CREBBP: variants seen among roughly 807,000 people sequenced by gnomAD.
CREBBP encodes the protein CREB binding lysine acetyltransferase.
A neutral mutation model predicts 265.0 loss-of-function variants in CREBBP; 19 were observed. The observed-to-expected ratio is 0.07, with a 90% CI of 0.05 to 0.11. CREBBP has a LOEUF of 0.11. Ranked by LOEUF, CREBBP falls within the 10% of genes least tolerant of loss-of-function variation. The probability of loss-of-function intolerance (pLI) is 1.00; values close to 1 mark genes in which losing one functional copy is unlikely to be tolerated. For missense variants in CREBBP, 2,525 were observed against 3,219.0 expected (o/e 0.78, Z 5.22); for synonymous variants, 1,457 against 1,223.7 (o/e 1.19, Z -3.98).
rs886624136 is a variant in CREBBP, at chr16:3,736,485, G to A, written c.4560+165C>T. 13 of 1,058,270 alleles carry A rather than the reference G, an allele frequency of 1.2e-5. No individual in the cohort carries two copies. In the East Asian group the frequency reaches 2.5e-4, roughly 20 times the overall value. The allele number at this position is 1,058,270 out of a possible 1,614,324, so 65.6% of individuals were successfully genotyped here. ...GACGGCCAGGGGAAAGCCTCAATCA[G>A]CTGAAGAAAATGCTTCTAAGTTCTC... is the stretch of plus-strand genomic sequence containing the variant. On this transcript the variant is annotated intron_variant, in intron 27 of 30. Transcript: ENST00000262367.
intron 3 of CREBBP, among the ~76,000 whole-genome samples, chr16:3,802,084 A>T (rs961946799): frequency 1.4e-5 from 2 of 147,008 alleles, no homozygotes; most frequent in East Asian, 3.9e-4. Flanking sequence ...TTTAAAAGCA[A>T]ACTCTTTATA....
intron 2 of CREBBP, among the ~76,000 whole-genome samples, chr16:3,828,573 C>A (rs1482414948): frequency 6.6e-6 from 1 of 152,194 alleles, no homozygotes; most frequent in East Asian, 1.9e-4. Context: ...TAGACTCACT[C>A]TCCAGGTTAC....
intron 16 of CREBBP, among the ~76,000 whole-genome samples, chr16:3,763,065 C>T (rs912464984): frequency 4.0e-5 from 6 of 150,810 alleles, no homozygotes; most frequent in South Asian, 2.1e-4. Flanking sequence ...TGAGCCACCA[C>T]GCCCGGCCAC....
chr16:3,863,345 G>GT (rs1665159705), intron 1 of CREBBP, among the ~76,000 whole-genome samples: 1 of 152,148 alleles, frequency 6.6e-6, no homozygotes, highest in African/African-American at 2.4e-5. Flanking sequence ...GCTCATGCCT[G>GT]TAATTCCAGT....
chr16:3,875,694 A>G (rs886732235), intron 1 of CREBBP, among the ~76,000 whole-genome samples: 1 of 152,168 alleles, frequency 6.6e-6, no homozygotes, highest in African/African-American at 2.4e-5. Context: ...ATATAGAGCT[A>G]CGGACTTTAA....
At chr16:3,770,474 G>C in intron 14 of CREBBP, 96 bp downstream of exon 14, 1 of 1,372,614 alleles carries the variant, frequency 7.3e-7, no homozygotes, top group East Asian at 2.3e-5. Flanking sequence ...GAAATTATAG[G>C]TGTGAACCAC....
At chr16:3,768,320 T>C (rs960493481) in intron 15 of CREBBP, among the ~76,000 whole-genome samples, 7 of 151,804 alleles carry the variant, frequency 4.6e-5, no homozygotes, top group African/African-American at 1.5e-4. Context: ...TAATTTTTTA[T>C]ATTCTTGGTA....
At chr16:3,741,685 A>T (rs1001621006) in intron 23 of CREBBP, 8 of 151,310 alleles carry the variant, frequency 5.3e-5, no homozygotes, top group Non-Finnish European at 7.4e-5. Flanking sequence ...CACACCTGTA[A>T]TCCCAGCTCT....
chr16:3,866,990 A>G (rs1006385500), intron 1 of CREBBP, among the ~76,000 whole-genome samples: 14 of 152,310 alleles, frequency 9.2e-5, no homozygotes, highest in South Asian at 2.1e-4. Flanking sequence ...GTGTTTTACA[A>G]TCTCTACATT....
rs762700575 is a variant in CREBBP at position 3,728,768 on chromosome 16, G to A, written c.6279C>T (p.Asn2093=). Residue 2093 remains asparagine, a synonymous_variant, in exon 31 of 31, where the codon AAC becomes AAT. Coordinates refer to ENST00000262367, the MANE Select transcript of CREBBP (RefSeq NM_004380.3). This position sits in a 1 kb window ranked among gnomAD's most constrained non-coding sequence, Gnocchi z 8.7. ...QQQVLNILKS[N]PQLMAAFIKQ... The stretch of plus-strand genomic sequence containing the variant: ...TGATGAAAGCTGCCATTAGCTGCGG[G>A]TTTGATTTGAGAATGTTCAGCACCT... 1.8e-5 allele frequency: 29 copies of A among 1,613,796 alleles called. No homozygotes were observed. Among genetic ancestry groups the A allele is most frequent in the Middle Eastern group, 1.6e-4 (1 of 6,084 alleles).
intron 21 of CREBBP, among the ~76,000 whole-genome samples, chr16:3,746,038 C>A (rs2052334198): frequency 6.6e-6 from 1 of 152,230 alleles, no homozygotes; most frequent in African/African-American, 2.4e-5. Flanking sequence ...CCTCCAGGAA[C>A]CGCCTCAACC....
chr16:3,769,157 T>G lies in CREBBP; in HGVS notation c.3060+17A>C. On this transcript the variant is annotated intron_variant, in intron 15 of 30. Transcript: ENST00000262367. ...TTGCGATACGCAGTCAATGCATTCC[T>G]AGGGAGCGGCACCCACCTCAGACCT... The G allele has an allele frequency of 6.2e-7, 1 of 1,613,722 alleles. No homozygotes were observed. The highest frequency in any genetic ancestry group is 1.3e-5 in the African/African-American group (1 of 75,016).
intron 1 of CREBBP, among the ~76,000 whole-genome samples, chr16:3,876,960 G>A (rs371898347): frequency 5.9e-5 from 9 of 152,172 alleles, no homozygotes. Context: ...AATGTCGGGT[G>A]CATTTTTCTC....
At chr16:3,877,827 C>T (rs985165573) in intron 1 of CREBBP, among the ~76,000 whole-genome samples, 2 of 152,212 alleles carry the variant, frequency 1.3e-5, no homozygotes, top group Non-Finnish European at 2.9e-5. Context: ...ATGATGTTGA[C>T]TTTCTACTTT....
chr16:3,732,721 A>G (rs2151321441), intron 28 of CREBBP, among the ~76,000 whole-genome samples: 1 of 151,732 alleles, frequency 6.6e-6, no homozygotes, highest in South Asian at 2.1e-4. Flanking sequence ...TTTTTTTGAG[A>G]CAGAGTCTCG....
intron 8 of CREBBP, among the ~76,000 whole-genome samples, chr16:3,780,123 T>C (rs2053238734): frequency 6.6e-6 from 1 of 151,046 alleles, no homozygotes; most frequent in Non-Finnish European, 1.5e-5. Flanking sequence ...GTGCTTGTAA[T>C]CCCAGGTACT....
intron 3 of CREBBP, among the ~76,000 whole-genome samples, chr16:3,799,710 T>C (rs1230301435): frequency 1.3e-5 from 2 of 152,208 alleles, no homozygotes; most frequent in Non-Finnish European, 2.9e-5. Context: ...AGACTTATAA[T>C]GAAACAAGAG....
intron 2 of CREBBP, among the ~76,000 whole-genome samples, chr16:3,820,737 G>A (rs1057005164): frequency 6.6e-6 from 1 of 152,176 alleles, no homozygotes; most frequent in Non-Finnish European, 1.5e-5. Flanking sequence ...GCGTGTGCTT[G>A]TAGTCCCAGC....
In CREBBP at chr16:3,849,443, GTGTGTGTGTGTGTGTGT is replaced by G. The variant is rs2054765672; in HGVS notation, c.798+837_798+853del. Among the ~76,000 whole-genome samples the G allele has an allele frequency of 8.5e-4, 17 of 20,066 alleles. 1 individual carries two copies. The East Asian group carries it at 0.05, about 59-fold the overall frequency. The allele number at this position is 20,066 out of a possible 152,430, so 13.2% of individuals were successfully genotyped here. A position where few individuals can be genotyped will look rare whatever the true frequency, so the allele number is the denominator to read the frequency against. ...TGTGTGTGTGTGTGTGTGTGTGTGT[GTGTGTGTGTGTGTGTGT>G]GTGTGTGTGTGTGTGTGTGTGTGTG... On this transcript the variant is annotated intron_variant, in intron 2 of 30. Transcript: ENST00000262367.
Sources: allele counts gnomAD v4.1 joint callset (sites outside exome capture counted in the v4.1 genomes callset), GRCh38; gene constraint gnomAD v4.1.1; non-coding constraint Gnocchi (gnomAD v3.1); transcripts MANE v1.5; gene names NCBI Gene and HGNC (gene_info 2026-07-23, HGNC 2026-07-21).